ZNF592: variants seen among roughly 807,000 people sequenced by gnomAD.
ZNF592 encodes zinc finger protein 592.
In ZNF592, 11 loss-of-function variants were observed where a neutral mutation model predicts 80.3. That is an observed-to-expected ratio of 0.14 (90% CI 0.09 to 0.23). The LOEUF (loss-of-function observed/expected upper bound fraction) is 0.23, where lower values mean the gene tolerates loss of function less well. Ranked by LOEUF, ZNF592 falls within the 10% of genes least tolerant of loss-of-function variation. The pLI is 1.00. For synonymous variants in ZNF592, 646 were observed against 640.3 expected (o/e 1.01, Z -0.13); for missense variants, 1,420 against 1,633.9 (o/e 0.87, Z 2.26).
At chr15:84,776,812 G>A (rs886422407) in intron 2 of ZNF592, among the ~76,000 whole-genome samples, 4 of 152,044 alleles carry the variant, frequency 2.6e-5, no homozygotes, top group Non-Finnish European at 5.9e-5. Flanking sequence ...AGCACTTTGG[G>A]CGGCCAAGGC....
At chr15:84,787,461 A>C (rs1198884268) in intron 4 of ZNF592, among the ~76,000 whole-genome samples, 1 of 152,192 alleles carries the variant, frequency 6.6e-6, no homozygotes, top group Non-Finnish European at 1.5e-5. Flanking sequence ...TCCACAGGAC[A>C]GTATCTAGCT....
chr15:84,805,189 T>A lies in ZNF592; in HGVS notation c.*2796T>A, dbSNP rs1342636418. 1.3e-5 allele frequency: 2 copies of A among 152,210 alleles called. No homozygotes were observed. Among genetic ancestry groups the A allele is most frequent in the African/African-American group, 2.4e-5 (1 of 41,452 alleles). 9.4% of individuals were successfully genotyped at this position (152,210 alleles called of 1,614,324 possible). On this transcript the variant is annotated 3_prime_UTR_variant, in exon 11 of 11. Transcript: ENST00000560079. ...ACCGTTGACATTTCGAAACGTGGTA[T>A]CTCTACAACCTTTCATTCTCATTGG...
chr15:84,779,968 C>CT (rs975200232), intron 3 of ZNF592, among the ~76,000 whole-genome samples: 2 of 148,482 alleles, frequency 1.3e-5, no homozygotes, highest in East Asian at 4.0e-4. Context: ...TCCCCTCAAT[C>CT]TTTTTTTCCT....
chr15:84,759,442 A>T (rs1899277001), intron 1 of ZNF592, among the ~76,000 whole-genome samples: 1 of 152,064 alleles, frequency 6.6e-6, no homozygotes, highest in African/African-American at 2.4e-5. Flanking sequence ...TCTCCCCTTG[A>T]CGCTGCTTCC....
intron 10 of ZNF592, among the ~76,000 whole-genome samples, chr15:84,800,523 G>T (rs981524124): frequency 2.6e-5 from 4 of 152,178 alleles, no homozygotes. Context: ...CCATACCATG[G>T]TAGGGGGGTG....
chr15:84,774,737 A>G (rs971942955), intron 2 of ZNF592, among the ~76,000 whole-genome samples: 3 of 152,012 alleles, frequency 2.0e-5, no homozygotes, highest in Admixed American at 2.0e-4. Context: ...CTACTAGTCT[A>G]CTAGTTCTGC....
intron 4 of ZNF592, among the ~76,000 whole-genome samples, chr15:84,788,195 T>C (rs148573147): frequency 6.6e-6 from 1 of 152,176 alleles, no homozygotes; most frequent in African/African-American, 2.4e-5. Flanking sequence ...AAGTGCCTGA[T>C]TGTCTTCACT....
intron 1 of ZNF592, among the ~76,000 whole-genome samples, chr15:84,756,107 C>G (rs1363857060): frequency 6.6e-6 from 1 of 152,220 alleles, no homozygotes; most frequent in Admixed American, 6.5e-5. Flanking sequence ...GATGTTACAA[C>G]CTGGGGATCA....
chr15:84,781,275 T>C (rs540140031), intron 3 of ZNF592, among the ~76,000 whole-genome samples: 2 of 152,166 alleles, frequency 1.3e-5, no homozygotes, highest in Non-Finnish European at 2.9e-5. Flanking sequence ...CTTGAACTCC[T>C]GACCTCAAGC....
intron 3 of ZNF592, among the ~76,000 whole-genome samples, chr15:84,779,367 A>T (rs1197359767): frequency 1.3e-5 from 2 of 152,226 alleles, no homozygotes. Context: ...ATAAACATGT[A>T]GGTACATGGT....
rs767980445 is a variant in ZNF592 at position 84,802,285 on chromosome 15, G to A, written c.3696G>A (p.Ala1232=). The A allele has an allele frequency of 8.7e-6, 14 of 1,612,404 alleles. No homozygotes were observed. The South Asian group carries it at 1.1e-4, about 13-fold the overall frequency. The change falls in exon 11 of 11, where the codon GCG becomes GCA. Residue 1232 remains alanine, a synonymous_variant. Transcript: ENST00000560079. The part of the protein sequence containing the change: ...AGEPLSADPE[A]RRLLGPAPED... ...AGCCTTTGTCAGCTGACCCAGAGGC[G>A]AGGAGATTGCTGGGCCCGGCCCCTG...
chr15:84,769,422 A>G (rs1426782840), intron 2 of ZNF592, among the ~76,000 whole-genome samples: 2 of 151,904 alleles, frequency 1.3e-5, no homozygotes, highest in Non-Finnish European at 2.9e-5. Flanking sequence ...CTCATGTAGA[A>G]CGGTCATGGA....
In ZNF592 at chr15:84,784,150, C is replaced by T. The variant is rs778168673; in HGVS notation, c.1475C>T (p.Thr492Ile). The change falls in exon 4 of 11, where the codon ACC becomes ATC. Residue 492 changes from threonine (T) to isoleucine (I), a missense_variant. By Grantham distance (89) the Thr-to-Ile change is moderately conservative (BLOSUM62 -1). Coordinates refer to ENST00000560079, the MANE Select transcript of ZNF592 (RefSeq NM_014630.3). This position sits in a 1 kb window ranked among gnomAD's most constrained non-coding sequence, Gnocchi z 5.8. ...CAGAGCACAGCACTGCAGGCATCCACCCTGGCCCCTGCCAACCTCCTGCCC... is the reference window on the plus strand; with the variant it reads ...CAGAGCACAGCACTGCAGGCATCCATCCTGGCCCCTGCCAACCTCCTGCCC... Reference protein sequence around the residue: ...KQQSTALQASTLAPANLLPKA... With the variant: ...KQQSTALQASILAPANLLPKA... 6.2e-7 allele frequency: 1 copy of T among 1,614,176 alleles called. No individual in the cohort carries two copies. Among genetic ancestry groups the T allele is most frequent in the Non-Finnish European group, 8.5e-7 (1 of 1,180,032 alleles).
At chr15:84,774,411 A>G (rs1036130371) in intron 2 of ZNF592, among the ~76,000 whole-genome samples, 3 of 152,212 alleles carry the variant, frequency 2.0e-5, no homozygotes, top group Non-Finnish European at 4.4e-5. Context: ...TAAATTTTTC[A>G]TGAGTCCTTA....
At chr15:84,768,731 A>G (rs899438365) in intron 2 of ZNF592, among the ~76,000 whole-genome samples, 2 of 152,210 alleles carry the variant, frequency 1.3e-5, no homozygotes, top group Admixed American at 6.5e-5. Context: ...ACAGGGATCC[A>G]GGATTCATAG....
At chr15:84,753,432 A>G (rs1256627080) in intron 1 of ZNF592, 3 of 152,140 alleles carry the variant, frequency 2.0e-5, no homozygotes, top group Admixed American at 6.6e-5. Flanking sequence ...CCCACCCTCA[A>G]CTCAGCCAGA....
At chr15:84,786,596 T>C (rs1403230168) in intron 4 of ZNF592, among the ~76,000 whole-genome samples, 2 of 152,130 alleles carry the variant, frequency 1.3e-5, no homozygotes, top group African/African-American at 4.8e-5. Context: ...GAAGGTGCTA[T>C]AGGATCCCAC....
At chr15:84,766,095 C>T (rs1182277606) in intron 2 of ZNF592, among the ~76,000 whole-genome samples, 1 of 151,684 alleles carries the variant, frequency 6.6e-6, no homozygotes, top group East Asian at 1.9e-4. Context: ...CTCACTGCAG[C>T]CTTTACCCCC....
chr15:84,795,662 GT>G (rs1962874559), intron 5 of ZNF592, among the ~76,000 whole-genome samples: 1 of 152,188 alleles, frequency 6.6e-6, no homozygotes, highest in African/African-American at 2.4e-5. Context: ...ATAATACTTT[GT>G]AGTGTGGAAA....
Sources: allele counts gnomAD v4.1 joint callset (sites outside exome capture counted in the v4.1 genomes callset), GRCh38; gene constraint gnomAD v4.1.1; non-coding constraint Gnocchi (gnomAD v3.1); transcripts MANE v1.5; gene names NCBI Gene and HGNC (gene_info 2026-07-23, HGNC 2026-07-21).